The following PRKD3 variants were observed in gnomAD, a reference collection of about 807,000 sequenced individuals.
PRKD3 encodes the protein protein kinase D3.
PRKD3 carries 47 observed loss-of-function variants against 99.2 expected under a neutral mutation model. The ratio of observed to expected loss-of-function variants is 0.47; its 90% CI spans 0.38 to 0.60. The LOEUF (loss-of-function observed/expected upper bound fraction) is 0.60. PRKD3 is among the 20% of genes least tolerant of loss of function. The probability of loss-of-function intolerance (pLI) is 0.00; values close to 1 mark genes in which losing one functional copy is unlikely to be tolerated. For missense variants in PRKD3, 1,019 were observed against 1,088.4 expected, an observed-to-expected ratio of 0.94 and a Z score of 0.90; for synonymous variants, 392 against 355.4, an observed-to-expected ratio of 1.10 and a Z score of -1.16.
intron 16 of PRKD3, among the ~76,000 whole-genome samples, 181 bp downstream of exon 16, chr2:37,259,402 A>G (rs372077222): frequency 2.6e-5 from 4 of 152,394 alleles, no homozygotes; most frequent in South Asian, 2.1e-4. Flanking sequence ...TATAAACAGT[A>G]TAACTAATAA....
intron 1 of PRKD3, among the ~76,000 whole-genome samples, chr2:37,322,369 C>A (rs571082859): frequency 7.2e-5 from 11 of 152,152 alleles, no homozygotes; most frequent in Admixed American, 6.5e-5. Context: ...ACATACTTTT[C>A]CTAAGAGCTT....
At chr2:37,255,307 TG>T (rs1667845408) in intron 17 of PRKD3, among the ~76,000 whole-genome samples, 1 of 99,802 alleles carries the variant, frequency 1.0e-5, no homozygotes, top group Non-Finnish European at 2.1e-5. Flanking sequence ...CTAGTACTTT[TG>T]GAAAAACAAA....
intron 2 of PRKD3, among the ~76,000 whole-genome samples, chr2:37,313,737 T>C (rs1016159254): frequency 2.0e-5 from 3 of 152,198 alleles, no homozygotes; most frequent in African/African-American, 7.2e-5. Flanking sequence ...TTAAGATGAT[T>C]TGACATACAA....
At chr2:37,313,151 G>C (rs1465118766) in intron 2 of PRKD3, among the ~76,000 whole-genome samples, 1 of 152,118 alleles carries the variant, frequency 6.6e-6, no homozygotes, top group African/African-American at 2.4e-5. Context: ...TAGTATTTTA[G>C]GCTTGGTGGG....
chr2:37,286,047 C>T, intron 6 of PRKD3, 130 bp downstream of exon 6: 1 of 848,270 alleles, frequency 1.2e-6, no homozygotes, highest in Non-Finnish European at 1.7e-6. Flanking sequence ...GTTTATATTT[C>T]TCTTTCCTTT....
intron 16 of PRKD3, among the ~76,000 whole-genome samples, chr2:37,258,682 A>G (rs956536777): frequency 2.0e-5 from 3 of 152,250 alleles, no homozygotes; most frequent in African/African-American, 4.8e-5. Flanking sequence ...TTTCGACCTC[A>G]AAATGATAGG....
intron 11 of PRKD3, among the ~76,000 whole-genome samples, chr2:37,273,539 T>C (rs1368145777): frequency 1.3e-5 from 2 of 152,210 alleles, no homozygotes; most frequent in Non-Finnish European, 2.9e-5. Flanking sequence ...AAGTAATGTA[T>C]TCCTCACTTT....
chr2:37,299,160 G>GT (rs1008191061), intron 2 of PRKD3, among the ~76,000 whole-genome samples: 2 of 151,698 alleles, frequency 1.3e-5, no homozygotes, highest in African/African-American at 2.4e-5. Flanking sequence ...TTTACTGAAT[G>GT]TTTTTTTGGC....
chr2:37,281,431 C>G (rs905905299), intron 7 of PRKD3, among the ~76,000 whole-genome samples: 1 of 152,148 alleles, frequency 6.6e-6, no homozygotes, highest in Non-Finnish European at 1.5e-5. Context: ...AAAATCTTAA[C>G]TCCCAAGGCA....
At chr2:37,280,948 C>G (rs1669831906) in intron 7 of PRKD3, among the ~76,000 whole-genome samples, 1 of 152,096 alleles carries the variant, frequency 6.6e-6, no homozygotes, top group Non-Finnish European at 1.5e-5. Context: ...GGCAAAGGAT[C>G]TGAATAGGTG....
chr2:37,293,725 C>T (rs1670551705), intron 2 of PRKD3, among the ~76,000 whole-genome samples: 1 of 152,210 alleles, frequency 6.6e-6, no homozygotes, highest in Admixed American at 6.5e-5. Flanking sequence ...TAATAAATGA[C>T]ACCATGTCAC....
At chr2:37,293,096 G>C (rs778011302) in intron 3 of PRKD3, 37 bp downstream of exon 3, 2 of 1,511,752 alleles carry the variant, frequency 1.3e-6, no homozygotes, top group South Asian at 2.6e-5. Flanking sequence ...GCTCTTTGAG[G>C]GGAAAAGGCA....
intron 14 of PRKD3, among the ~76,000 whole-genome samples, chr2:37,262,504 C>T (rs918256677): frequency 2.6e-5 from 4 of 152,144 alleles, no homozygotes; most frequent in Admixed American, 2.0e-4. Context: ...GTTTTCCAAG[C>T]AGCAAAATAC....
In PRKD3 at chr2:37,252,994, C is replaced by A. The variant is rs994358809; in HGVS notation, c.*183G>T. Reference sequence around the variant, plus strand: ...CTTCACCTTGATTCCATTATGACTTCTTATTATTCAGTTTCCCGCCTGTAC... The same window carrying A: ...CTTCACCTTGATTCCATTATGACTTATTATTATTCAGTTTCCCGCCTGTAC... On this transcript the variant is annotated 3_prime_UTR_variant, in exon 19 of 19. Coordinates refer to ENST00000234179, the MANE Select transcript of PRKD3 (RefSeq NM_005813.6). 13 of 488,040 alleles carry A rather than the reference C, an allele frequency of 2.7e-5. No homozygotes were observed. The highest frequency in any genetic ancestry group is 6.9e-5 in the East Asian group (2 of 28,990). The allele number at this position is 488,040 out of a possible 1,614,324, so 30.2% of individuals were successfully genotyped here. A position where few individuals can be genotyped will look rare whatever the true frequency, so the allele number is the denominator to read the frequency against.
chr2:37,310,209 C>T (rs1185685813), intron 2 of PRKD3, among the ~76,000 whole-genome samples: 2 of 152,152 alleles, frequency 1.3e-5, no homozygotes, highest in Non-Finnish European at 2.9e-5. Context: ...TCTAATAAAT[C>T]TTCAACAGAG....
chr2:37,324,755 T>G lies in PRKD3; in HGVS notation c.-730A>C, dbSNP rs1284760421. ...TACCGGACGAGGCGCCAGCGAGGCT[T>G]CACGCGCCTCGCAGGATCCCGCCCG... On this transcript the variant is annotated 5_prime_UTR_variant, in exon 1 of 19. Transcript: ENST00000234179. The G allele has an allele frequency of 6.6e-6, 1 of 151,060 alleles. No individual in the cohort carries two copies. Among genetic ancestry groups the G allele is most frequent in the Admixed American group, 6.6e-5 (1 of 15,198 alleles). 9.4% of individuals were successfully genotyped at this position (151,060 alleles called of 1,614,324 possible).
At position 37,303,104 on chromosome 2, in the gene PRKD3, G is replaced by A. The variant is rs372335920; in HGVS notation, c.289-9833C>T. ...GAGAGAGAAGCAGCTTGACTGGAGA[G>A]AGGTGACTTGACATTGGAGGGACAG... On this transcript the variant is annotated intron_variant, in intron 2 of 18. Coordinates refer to ENST00000234179, the MANE Select transcript of PRKD3 (RefSeq NM_005813.6). Among the ~76,000 whole-genome samples, 217 of 152,268 alleles carry A rather than the reference G, an allele frequency of 1.4e-3. 1 individual carries two copies. The highest frequency in any genetic ancestry group is 4.9e-3 in the African/African-American group (202 of 41,556).
chr2:37,283,692 C>G (rs990609048), intron 6 of PRKD3, among the ~76,000 whole-genome samples: 1 of 151,970 alleles, frequency 6.6e-6, no homozygotes, highest in African/African-American at 2.4e-5. Flanking sequence ...TCCATTTTCC[C>G]TTTGAAAACT....
At chr2:37,323,875 C>A (rs935940028) in intron 1 of PRKD3, among the ~76,000 whole-genome samples, 1 of 152,144 alleles carries the variant, frequency 6.6e-6, no homozygotes, top group African/African-American at 2.4e-5. Context: ...ATTGAAGACA[C>A]AGTTACGTCC....
Sources: gnomAD v4.1 joint callset for allele counts (sites outside exome capture counted in the v4.1 genomes callset) on GRCh38, gnomAD v4.1.1 for gene constraint, MANE v1.5 for transcripts, NCBI Gene and HGNC (gene_info 2026-07-23, HGNC 2026-07-21) for gene names.